The following PTPRT variants were observed in gnomAD, a reference collection of about 807,000 sequenced individuals.
PTPRT encodes the protein receptor-type tyrosine-protein phosphatase T.
A neutral mutation model predicts 176.8 loss-of-function variants in PTPRT; 56 were observed. That is an observed-to-expected ratio of 0.32 (90% CI 0.26 to 0.40). The LOEUF (loss-of-function observed/expected upper bound fraction) is 0.40, where lower values mean the gene tolerates loss of function less well. PTPRT is among the 10% of genes least tolerant of loss of function. The pLI is 1.00. For missense variants in PTPRT, 1,540 were observed against 1,908.2 expected, an observed-to-expected ratio of 0.81 and a Z score of 3.60; for synonymous variants, 783 against 739.0, an observed-to-expected ratio of 1.06 and a Z score of -0.96.
At chr20:42,658,772 A>G (rs557785652) in intron 7 of PTPRT, among the ~76,000 whole-genome samples, 17 of 152,382 alleles carry the variant, frequency 1.1e-4, no homozygotes, top group African/African-American at 3.6e-4. Context: ...TTCAGGATCC[A>G]TAAAAACTAA....
At chr20:42,607,928 T>C (rs1403703437) in intron 7 of PTPRT, among the ~76,000 whole-genome samples, 1 of 152,196 alleles carries the variant, frequency 6.6e-6, no homozygotes, top group Non-Finnish European at 1.5e-5. Context: ...CACCAGCTCA[T>C]AAGGGCATCC....
chr20:43,121,202 T>C (rs913727405), intron 1 of PTPRT, among the ~76,000 whole-genome samples: 20 of 152,244 alleles, frequency 1.3e-4, no homozygotes, highest in Non-Finnish European at 2.9e-5. Context: ...ATTCATTATC[T>C]TTGCTGGATG....
chr20:42,507,257 C>G (rs2071863559), intron 7 of PTPRT, among the ~76,000 whole-genome samples: 1 of 152,114 alleles, frequency 6.6e-6, no homozygotes, highest in Non-Finnish European at 1.5e-5. Context: ...AACCAGTGTA[C>G]TCATTTTTAA....
At chr20:42,824,620 C>G (rs6016899) in intron 2 of PTPRT, among the ~76,000 whole-genome samples, 2,552 of 151,952 alleles carry the variant, frequency 0.017, 71 homozygotes, top group African/African-American at 0.054. Flanking sequence ...AATTAATTAA[C>G]TAGCTAATTA....
At chr20:42,758,029 A>C (rs1467826485) in intron 5 of PTPRT, among the ~76,000 whole-genome samples, 4 of 152,220 alleles carry the variant, frequency 2.6e-5, no homozygotes, top group Non-Finnish European at 5.9e-5. Flanking sequence ...CTAACAGTTT[A>C]ACTAAATGTG....
rs182465280 is a variant in PTPRT at position 42,611,545 on chromosome 20, C to T, written c.1153+66321G>A. ...TTGTCAGGTTTGCCTGACACCTCTCCCACTTCCCTGTATCCCAGTCCACTC... is the reference window on the plus strand; with the variant it reads ...TTGTCAGGTTTGCCTGACACCTCTCTCACTTCCCTGTATCCCAGTCCACTC... On this transcript the variant is annotated intron_variant, in intron 7 of 30. Transcript: ENST00000373187. Among the ~76,000 whole-genome samples, 59 of 150,388 alleles carry T rather than the reference C, an allele frequency of 3.9e-4. 1 individual carries two copies. The highest frequency in any genetic ancestry group is 3.2e-3 in the Admixed American group (49 of 15,276).
chr20:42,213,192 T>C (rs1257795301), intron 15 of PTPRT, among the ~76,000 whole-genome samples: 3 of 96,776 alleles, frequency 3.1e-5, no homozygotes, highest in Non-Finnish European at 5.2e-5. Flanking sequence ...AGGTGATCAA[T>C]AAGCCCTCCA....
At chr20:42,987,122 G>A (rs1303111448) in intron 1 of PTPRT, among the ~76,000 whole-genome samples, 3 of 151,512 alleles carry the variant, frequency 2.0e-5, no homozygotes, top group Non-Finnish European at 4.4e-5. Flanking sequence ...ACCCCTCCCT[G>A]CCTCCCTCTG....
At chr20:42,953,141 G>A (rs574207498) in intron 1 of PTPRT, among the ~76,000 whole-genome samples, 2 of 152,316 alleles carry the variant, frequency 1.3e-5, no homozygotes, top group East Asian at 3.9e-4. Context: ...TGAGGGTGGA[G>A]GAAAGGAAAC....
intron 1 of PTPRT, among the ~76,000 whole-genome samples, chr20:43,159,345 C>A (rs777288001): frequency 6.6e-6 from 1 of 152,166 alleles, no homozygotes; most frequent in Non-Finnish European, 1.5e-5. Context: ...AGTGGTAAGG[C>A]CCAAAGGATG....
chr20:42,684,116 G>A (rs2075651061), intron 6 of PTPRT, among the ~76,000 whole-genome samples: 1 of 152,128 alleles, frequency 6.6e-6, no homozygotes, highest in African/African-American at 2.4e-5. Flanking sequence ...ACATTGGGAG[G>A]CCAAGGCAGG....
intron 15 of PTPRT, among the ~76,000 whole-genome samples, chr20:42,210,099 C>T (rs894630342): frequency 2.0e-5 from 3 of 152,072 alleles, no homozygotes; most frequent in African/African-American, 4.8e-5. Flanking sequence ...ATTCAACAAC[C>T]CTTCATGCTA....
intron 1 of PTPRT, among the ~76,000 whole-genome samples, chr20:43,001,876 A>T (rs1372355917): frequency 7.7e-6 from 1 of 129,488 alleles, no homozygotes; most frequent in African/African-American, 2.9e-5. Flanking sequence ...ACAAACAAAC[A>T]AACAAAAAAA....
intron 7 of PTPRT, among the ~76,000 whole-genome samples, chr20:42,623,009 G>A (rs1157027540): frequency 6.6e-6 from 1 of 152,134 alleles, no homozygotes; most frequent in African/African-American, 2.4e-5. Flanking sequence ...ACGGACGAAT[G>A]GCAAAATGGG....
intron 7 of PTPRT, among the ~76,000 whole-genome samples, chr20:42,497,289 T>C (rs2071672031): frequency 6.6e-6 from 1 of 152,112 alleles, no homozygotes; most frequent in Non-Finnish European, 1.5e-5. Context: ...TAACTGAATG[T>C]CTTTTATGGC....
At chr20:42,590,155 G>A (rs2073543884) in intron 7 of PTPRT, among the ~76,000 whole-genome samples, 2 of 152,120 alleles carry the variant, frequency 1.3e-5, no homozygotes, top group Admixed American at 6.5e-5. Context: ...TCAGAGATAG[G>A]TGTTCCAGCT....
chr20:42,661,142 C>T (rs1203912871), intron 7 of PTPRT, among the ~76,000 whole-genome samples: 1 of 152,066 alleles, frequency 6.6e-6, no homozygotes. Context: ...AGCCACCGCA[C>T]CCAGCCGTAA....
intron 12 of PTPRT, among the ~76,000 whole-genome samples, chr20:42,285,498 C>A (rs2057214274): frequency 6.6e-6 from 1 of 151,920 alleles, no homozygotes; most frequent in Non-Finnish European, 1.5e-5. Context: ...TCTTATCTGT[C>A]CAGACATCTA....
chr20:42,726,532 A>C (rs1189361585), intron 6 of PTPRT, among the ~76,000 whole-genome samples: 1 of 152,228 alleles, frequency 6.6e-6, no homozygotes, highest in Non-Finnish European at 1.5e-5. Flanking sequence ...AAACAAAACC[A>C]GGATTCTGAG....
Sources: gnomAD v4.1 joint callset for allele counts (sites outside exome capture counted in the v4.1 genomes callset) on GRCh38, gnomAD v4.1.1 for gene constraint, MANE v1.5 for transcripts, NCBI Gene and HGNC (gene_info 2026-07-23, HGNC 2026-07-21) for gene names.